NKAIN2: variants seen among roughly 807,000 people sequenced by gnomAD.
NKAIN2 encodes the protein sodium/potassium-transporting ATPase subunit beta-1-interacting protein 2.
Under a neutral mutation model 32.6 loss-of-function variants are expected in NKAIN2, and 14 were observed. That is an observed-to-expected ratio of 0.43 (90% CI 0.28 to 0.67). The LOEUF (loss-of-function observed/expected upper bound fraction) is 0.67, where lower values mean the gene tolerates loss of function less well. Among genes scored for constraint, NKAIN2 ranks in the 30% least tolerant of loss-of-function variants. The pLI is 0.17. For missense variants in NKAIN2, 198 were observed against 258.3 expected (o/e 0.77, Z 1.60); for synonymous variants, 80 against 87.2 (o/e 0.92, Z 0.46).
rs529257743 is a variant in NKAIN2, at chr6:124,217,399, A to G, written c.55-65606A>G. 2.2e-3 allele frequency among the ~76,000 whole-genome samples: 335 copies of G among 152,238 alleles called. 2 individuals carry two copies. The highest frequency in any genetic ancestry group is 7.7e-3 in the African/African-American group (321 of 41,562). ...TCATCTACATGGTTAAGTCAACTTT[A>G]AATTTTAAGGTAATGTCTTTTAATC... On this transcript the variant is annotated intron_variant, in intron 1 of 6. Coordinates refer to ENST00000368417, the MANE Select transcript of NKAIN2 (RefSeq NM_001040214.3).
chr6:124,624,539 G>GTA (rs1783229939), intron 3 of NKAIN2, among the ~76,000 whole-genome samples: 2 of 152,150 alleles, frequency 1.3e-5, no homozygotes, highest in South Asian at 4.1e-4. Flanking sequence ...TGAAGTGAAA[G>GTA]TATGTGAATT....
chr6:123,825,312 A>G (rs1043016374), intron 1 of NKAIN2, among the ~76,000 whole-genome samples: 4 of 152,180 alleles, frequency 2.6e-5, no homozygotes, highest in African/African-American at 9.6e-5. Context: ...ACAAAAAATA[A>G]TTCCTAAAGA....
At chr6:124,647,884 G>C (rs1784236245) in intron 3 of NKAIN2, among the ~76,000 whole-genome samples, 1 of 152,142 alleles carries the variant, frequency 6.6e-6, no homozygotes. Flanking sequence ...TAAGAAACTA[G>C]TGACTAACAT....
intron 4 of NKAIN2, among the ~76,000 whole-genome samples, chr6:124,789,224 C>A (rs1414043444): frequency 6.6e-6 from 1 of 151,994 alleles, no homozygotes; most frequent in African/African-American, 2.4e-5. Flanking sequence ...TGTATCGATG[C>A]TTGTTACCTA....
chr6:124,762,883 G>T (rs757010721), intron 4 of NKAIN2, among the ~76,000 whole-genome samples: 2 of 152,170 alleles, frequency 1.3e-5, no homozygotes, highest in Non-Finnish European at 2.9e-5. Context: ...ACTAGAAAAG[G>T]TAAGTAGAAC....
At chr6:123,998,652 A>G (rs935617585) in intron 1 of NKAIN2, among the ~76,000 whole-genome samples, 10 of 151,984 alleles carry the variant, frequency 6.6e-5, no homozygotes, top group African/African-American at 2.4e-4. Flanking sequence ...ATCTTGTCTT[A>G]TTATGATTCA....
chr6:124,334,868 C>T (rs1413550187), intron 2 of NKAIN2, among the ~76,000 whole-genome samples: 1 of 152,052 alleles, frequency 6.6e-6, no homozygotes, highest in Non-Finnish European at 1.5e-5. Flanking sequence ...TGAGTTCCTC[C>T]CAAAGTTAGT....
At position 124,675,919 on chromosome 6, in the gene NKAIN2, ATTGT is replaced by A. The variant is rs202132675; in HGVS notation, c.474+17540_474+17543del. On this transcript the variant is annotated intron_variant, in intron 4 of 6. Transcript: ENST00000368417. Reference sequence around the variant, plus strand: ...CTGGTTCTTTGAGTTGTAAAGTTACATTGTTTGTTTAATATCTTTCTTCTTTTTT... The same window carrying A: ...CTGGTTCTTTGAGTTGTAAAGTTACATTGTTTAATATCTTTCTTCTTTTTT... Among the ~76,000 whole-genome samples the A allele has an allele frequency of 8.7e-3, 1,320 of 151,188 alleles. 25 individuals carry two copies. The highest frequency in any genetic ancestry group is 0.031 in the African/African-American group (1,265 of 41,180).
At chr6:124,147,568 G>C (rs1224332785) in intron 1 of NKAIN2, among the ~76,000 whole-genome samples, 1 of 152,012 alleles carries the variant, frequency 6.6e-6, no homozygotes, top group Non-Finnish European at 1.5e-5. Flanking sequence ...TGATTAAACA[G>C]CCTTATATGT....
At chr6:124,216,108 ACT>A (rs1791464914) in intron 1 of NKAIN2, among the ~76,000 whole-genome samples, 2 of 143,276 alleles carry the variant, frequency 1.4e-5, no homozygotes, top group African/African-American at 5.3e-5. Flanking sequence ...ACAGAGCAAA[ACT>A]CTGTCTCAAA....
intron 1 of NKAIN2, among the ~76,000 whole-genome samples, chr6:124,028,818 T>TAC (rs1199950884): frequency 2.7e-5 from 4 of 146,026 alleles, no homozygotes; most frequent in Non-Finnish European, 3.0e-5. Flanking sequence ...TATACGTATA[T>TAC]GTGTATATAT....
chr6:123,827,450 A>G (rs140351795), intron 1 of NKAIN2, among the ~76,000 whole-genome samples: 4 of 152,280 alleles, frequency 2.6e-5, no homozygotes, highest in African/African-American at 7.2e-5. Flanking sequence ...GAAAAAATTG[A>G]AAACAATAAA....
chr6:124,749,735 T>C (rs575830739), intron 4 of NKAIN2, among the ~76,000 whole-genome samples: 1 of 152,002 alleles, frequency 6.6e-6, no homozygotes, highest in Non-Finnish European at 1.5e-5. Context: ...ATTCTCTGCA[T>C]AAAATTCTAA....
At chr6:124,707,799 C>G (rs1478434410) in intron 4 of NKAIN2, among the ~76,000 whole-genome samples, 1 of 152,000 alleles carries the variant, frequency 6.6e-6, no homozygotes. Context: ...GTTGCCTGTT[C>G]ACTCTGATGG....
At chr6:124,417,511 T>C (rs958748100) in intron 3 of NKAIN2, among the ~76,000 whole-genome samples, 9 of 134,780 alleles carry the variant, frequency 6.7e-5, no homozygotes, top group Non-Finnish European at 1.3e-4. Context: ...TTTATTTATT[T>C]ATTAACTTTA....
chr6:123,989,096 G>C (rs1429007139), intron 1 of NKAIN2, among the ~76,000 whole-genome samples: 7 of 152,188 alleles, frequency 4.6e-5, no homozygotes, highest in Non-Finnish European at 1.0e-4. Context: ...TTTTAAACTG[G>C]AGCGTGAATA....
chr6:124,599,947 G>A (rs1172681257), intron 3 of NKAIN2, among the ~76,000 whole-genome samples: 1 of 152,090 alleles, frequency 6.6e-6, no homozygotes, highest in African/African-American at 2.4e-5. Context: ...CAAATAGCCT[G>A]TCAAGGGTCT....
intron 1 of NKAIN2, among the ~76,000 whole-genome samples, chr6:123,955,761 G>T (rs1431224259): frequency 6.6e-6 from 1 of 151,856 alleles, no homozygotes; most frequent in African/African-American, 2.4e-5. Context: ...GAGTATCTGG[G>T]ACTGCAAGCG....
intron 4 of NKAIN2, among the ~76,000 whole-genome samples, chr6:124,779,722 CCATT>C (rs1779172746): frequency 2.6e-5 from 4 of 152,058 alleles, no homozygotes; most frequent in Non-Finnish European, 4.4e-5. Flanking sequence ...AATATGGGGT[CCATT>C]TATTTGACTT....
Sources: gnomAD v4.1 joint callset for allele counts (sites outside exome capture counted in the v4.1 genomes callset) on GRCh38, gnomAD v4.1.1 for gene constraint, MANE v1.5 for transcripts, NCBI Gene and HGNC (gene_info 2026-07-23, HGNC 2026-07-21) for gene names.